PDE1C: variants seen among roughly 807,000 people sequenced by gnomAD.
PDE1C encodes dual specificity calcium/calmodulin-dependent 3',5'-cyclic nucleotide phosphodiesterase 1C.
PDE1C carries 62 observed loss-of-function variants against 93.1 expected under a neutral mutation model. The ratio of observed to expected loss-of-function variants is 0.67; its 90% CI spans 0.54 to 0.82. PDE1C has a LOEUF of 0.82. Among genes scored for constraint, PDE1C ranks in the 40% least tolerant of loss-of-function variants. The pLI is 0.00. For synonymous variants in PDE1C, 325 were observed against 310.1 expected (o/e 1.05, Z -0.50); for missense variants, 742 against 884.6 (o/e 0.84, Z 2.04).
Position 31,959,108 on chromosome 7 carries a change from C to T in PDE1C, c.129-78248G>A, listed in dbSNP as rs1269865423. 2.0e-5 allele frequency among the ~76,000 whole-genome samples: 3 copies of T among 152,126 alleles called. No homozygotes were observed. The East Asian group carries it at 5.8e-4, about 29-fold the overall frequency. ...CTCCATTTTATTATGAGATGTATTG[C>T]TAGTTTTATGATTTATATGTAATAA... On this transcript the variant is annotated intron_variant, in intron 2 of 17. Coordinates refer to ENST00000396191, the MANE Select transcript of PDE1C (RefSeq NM_001191057.4).
the PDE1C span, among the ~76,000 whole-genome samples, chr7:31,730,744 G>A: frequency 6.6e-6 from 1 of 150,532 alleles, no homozygotes; most frequent in African/African-American, 2.4e-5. Flanking sequence ...TGTAATAAAT[G>A]CAACCATGGC....
At chr7:32,165,548 A>C (rs1042110029) in intron 3 of PDE1C, among the ~76,000 whole-genome samples, 34 of 152,334 alleles carry the variant, frequency 2.2e-4, no homozygotes, top group African/African-American at 7.9e-4. Flanking sequence ...CCTTCTTCAC[A>C]TAGCAGCAGG....
chr7:31,750,866 C>G (rs6462300), downstream of PDE1C, among the ~76,000 whole-genome samples: 142,654 of 152,300 alleles, frequency 0.94, 67,449 homozygotes, highest in South Asian at 1. Context: ...TGAGTAGCTG[C>G]GCAAAGTCCC....
intron 16 of PDE1C, among the ~76,000 whole-genome samples, chr7:31,790,956 C>T (rs938947576): frequency 6.6e-6 from 1 of 152,110 alleles, no homozygotes; most frequent in African/African-American, 2.4e-5. Context: ...ATTATTTCTT[C>T]CAATTGGTGT....
At chr7:32,143,401 A>C (rs1800648028) in intron 3 of PDE1C, among the ~76,000 whole-genome samples, 1 of 151,436 alleles carries the variant, frequency 6.6e-6, no homozygotes, top group Non-Finnish European at 1.5e-5. Flanking sequence ...GAAGGGTAGA[A>C]TCCTGAGAGA....
chr7:32,350,572 ATATATATATATATATATATTTT>A (rs1288539549), intron 1 of PDE1C, among the ~76,000 whole-genome samples: 257 of 3,240 alleles, frequency 0.079, 70 homozygotes, highest in African/African-American at 0.09. Flanking sequence ...ATATATATAT[ATATATATATATATATATATTTT>A]TTTTTTTTTT....
intron 2 of PDE1C, among the ~76,000 whole-genome samples, chr7:32,192,174 A>G (rs1804280488): frequency 6.6e-6 from 1 of 152,100 alleles, no homozygotes; most frequent in South Asian, 2.1e-4. Flanking sequence ...ATGTCTTTTT[A>G]TCCTAACAAA....
chr7:31,829,749 C>T (rs138650985), intron 11 of PDE1C, among the ~76,000 whole-genome samples: 4,080 of 152,138 alleles, frequency 0.027, 72 homozygotes, highest in South Asian at 0.032. Flanking sequence ...ATTTCAAGTA[C>T]GCACTACTGA....
At chr7:32,392,822 G>A (rs7795401) in intron 1 of PDE1C, among the ~76,000 whole-genome samples, 9 of 152,008 alleles carry the variant, frequency 5.9e-5, no homozygotes, top group Admixed American at 5.9e-4. Context: ...AGGCTGAGAC[G>A]GGCAGATCAC....
chr7:31,924,800 A>C (rs904939320), intron 2 of PDE1C, among the ~76,000 whole-genome samples: 5 of 152,116 alleles, frequency 3.3e-5, no homozygotes, highest in African/African-American at 1.2e-4. Context: ...AAACTGATGG[A>C]AAAAAAAGAT....
At chr7:32,052,212 C>T (rs935101030) in intron 1 of PDE1C, 1 of 441,576 alleles carries the variant, frequency 2.3e-6, no homozygotes, top group African/African-American at 2.0e-5. Flanking sequence ...TGTTGAGAAC[C>T]AGCATTAGGA....
intron 3 of PDE1C, among the ~76,000 whole-genome samples, chr7:32,166,991 A>T (rs1802323224): frequency 6.6e-6 from 1 of 152,308 alleles, no homozygotes; most frequent in Non-Finnish European, 1.5e-5. Flanking sequence ...CTTCATCTCT[A>T]AAATGGACAG....
intron 3 of PDE1C, among the ~76,000 whole-genome samples, chr7:32,110,747 A>C (rs1160198436): frequency 6.6e-6 from 1 of 152,148 alleles, no homozygotes; most frequent in African/African-American, 2.4e-5. Context: ...ATTCTCCTTG[A>C]ACTCCCCAGA....
chr7:31,952,789 A>C (rs1052846315), intron 2 of PDE1C, among the ~76,000 whole-genome samples: 2 of 152,202 alleles, frequency 1.3e-5, no homozygotes, highest in Non-Finnish European at 1.5e-5. Flanking sequence ...CAATACAAAT[A>C]TAAATAAACT....
At chr7:32,228,654 C>A (rs1008331366) in intron 1 of PDE1C, among the ~76,000 whole-genome samples, 3 of 152,184 alleles carry the variant, frequency 2.0e-5, no homozygotes, top group African/African-American at 7.2e-5. Flanking sequence ...TCACTTCCAA[C>A]TTCCAAAGAC....
chr7:32,384,624 C>T (rs1045924461), intron 1 of PDE1C, among the ~76,000 whole-genome samples: 1 of 152,056 alleles, frequency 6.6e-6, no homozygotes, highest in Non-Finnish European at 1.5e-5. Flanking sequence ...GGAGAGACAA[C>T]CTGCATGGGT....
At chr7:31,972,547 G>C (rs1811099519) in intron 2 of PDE1C, among the ~76,000 whole-genome samples, 1 of 152,136 alleles carries the variant, frequency 6.6e-6, no homozygotes, top group Non-Finnish European at 1.5e-5. Flanking sequence ...CTCGGTTCCA[G>C]AATATTTTAG....
chr7:32,113,123 AG>A (rs1798768432), intron 3 of PDE1C, among the ~76,000 whole-genome samples: 1 of 149,130 alleles, frequency 6.7e-6, no homozygotes, highest in Non-Finnish European at 1.5e-5. Flanking sequence ...TAGAAATAAA[AG>A]GAGAAATGGG....
chr7:31,840,422 T>G (rs1791708720), intron 9 of PDE1C, among the ~76,000 whole-genome samples: 1 of 152,130 alleles, frequency 6.6e-6, no homozygotes, highest in South Asian at 2.1e-4. Context: ...TTGGCCTGCT[T>G]TTTTTTAACG....
Sources: allele counts gnomAD v4.1 joint callset (sites outside exome capture counted in the v4.1 genomes callset), GRCh38; gene constraint gnomAD v4.1.1; transcripts MANE v1.5; gene names NCBI Gene and HGNC (gene_info 2026-07-23, HGNC 2026-07-21).